Variants in UBN2 observed in about 807,000 individuals in gnomAD.
UBN2 encodes the protein ubinuclein 2, also known as ubinuclein-2.
UBN2 carries 35 observed loss-of-function variants against 120.2 expected under a neutral mutation model. The ratio of observed to expected loss-of-function variants is 0.29; its 90% CI spans 0.22 to 0.39. UBN2 has a LOEUF of 0.39. Among genes scored for constraint, UBN2 ranks in the 10% least tolerant of loss-of-function variants. The pLI is 1.00. For missense variants in UBN2, 1,693 were observed against 1,663.2 expected, an observed-to-expected ratio of 1.02 and a Z score of -0.31; for synonymous variants, 661 against 648.7, an observed-to-expected ratio of 1.02 and a Z score of -0.29.
At chr7:139,317,345 A>AT in the UBN2 span, among the ~76,000 whole-genome samples, 1 of 151,346 alleles carries the variant, frequency 6.6e-6, no homozygotes, top group East Asian at 1.9e-4. Context: ...CTAGTTTTTA[A>AT]TTTTTTTTAG....
chr7:139,320,157 A>G, the UBN2 span, among the ~76,000 whole-genome samples: 1 of 151,850 alleles, frequency 6.6e-6, no homozygotes, highest in Non-Finnish European at 1.5e-5. Context: ...CTAATTATCC[A>G]TAATTTCAAA....
At position 139,284,444 on chromosome 7, in the gene UBN2, CA is replaced by C; in HGVS notation, c.3541del (p.Ser1181AlafsTer38). 1 of 1,614,172 alleles carries C rather than the reference CA, an allele frequency of 6.2e-7. No individual in the cohort carries two copies. The highest frequency in any genetic ancestry group is 8.5e-7 in the Non-Finnish European group (1 of 1,180,032). ...GCCAGCAGAGGTAGCAACCTTAACT[CA>C]AGCGGAGCTAATAGGACTAGTCTGT... ...VPASRGSNLN[S>X]SGANRTSLSG... On this transcript the variant is annotated frameshift_variant, in exon 15 of 18. Coordinates refer to ENST00000473989, the MANE Select transcript of UBN2 (RefSeq NM_173569.4). LOFTEE classifies it high-confidence loss of function.
chr7:139,241,690 T>TAATAAG (rs142419347), intron 2 of UBN2, among the ~76,000 whole-genome samples: 2 of 152,174 alleles, frequency 1.3e-5, no homozygotes, highest in Admixed American at 1.3e-4. Flanking sequence ...ACCCTGTCTC[T>TAATAAG]AATAAGAATA....
At chr7:139,324,698 C>T in the UBN2 span, among the ~76,000 whole-genome samples, 97 of 150,164 alleles carry the variant, frequency 6.5e-4, no homozygotes, top group African/African-American at 2.1e-3. Context: ...TGGCCGGGCG[C>T]GGTGGCTCAC....
intron 6 of UBN2, among the ~76,000 whole-genome samples, chr7:139,263,183 A>G (rs998567066): frequency 6.6e-6 from 1 of 152,246 alleles, no homozygotes; most frequent in Non-Finnish European, 1.5e-5. Context: ...TACACAAGAC[A>G]TCCGAAGTAT....
intron 3 of UBN2, among the ~76,000 whole-genome samples, chr7:139,255,624 ATTAT>A (rs1324911952): frequency 6.6e-6 from 1 of 152,086 alleles, no homozygotes; most frequent in Non-Finnish European, 1.5e-5. Context: ...CCCTTGACAT[ATTAT>A]TTGTTTTTTT....
At chr7:139,234,131 C>T (rs970179860) in intron 1 of UBN2, among the ~76,000 whole-genome samples, 6 of 151,800 alleles carry the variant, frequency 4.0e-5, no homozygotes, top group Non-Finnish European at 7.4e-5. Flanking sequence ...GAAGAGAGAC[C>T]ATCAAAAAGC....
intron 6 of UBN2, among the ~76,000 whole-genome samples, chr7:139,263,432 G>A (rs6949235): frequency 0.62 from 94,394 of 151,972 alleles, 31,326 homozygotes; most frequent in African/African-American, 0.86. Context: ...AGACTTATCA[G>A]TTGGTTGGAA....
In UBN2 at chr7:139,243,092, G is replaced by A. The variant is rs1418205725; in HGVS notation, c.561+5995G>A. ...AGGCAATTTGGGGTCAGGGGGTCTA[G>A]TACTAAGAACATCTTGTTTGTTTGT... On this transcript the variant is annotated intron_variant, in intron 2 of 17. Coordinates refer to ENST00000473989, the MANE Select transcript of UBN2 (RefSeq NM_173569.4). Among the ~76,000 whole-genome samples the A allele has an allele frequency of 5.9e-5, 9 of 152,276 alleles. No homozygotes were observed. The East Asian group carries it at 1.7e-3, about 29-fold the overall frequency.
chr7:139,295,302 C>T (rs1409136201), intron 17 of UBN2, among the ~76,000 whole-genome samples: 1 of 152,132 alleles, frequency 6.6e-6, no homozygotes, highest in African/African-American at 2.4e-5. Flanking sequence ...AGTCGTGGCA[C>T]AAATGTCAGC....
At chr7:139,315,475 C>T in the UBN2 span, 1 of 152,114 alleles carries the variant, frequency 6.6e-6, no homozygotes, top group Admixed American at 6.6e-5. Context: ...AATTTAATAT[C>T]CAGATATCTA....
chr7:139,241,864 G>C (rs752148313), intron 2 of UBN2, among the ~76,000 whole-genome samples: 75 of 152,124 alleles, frequency 4.9e-4, no homozygotes, highest in Non-Finnish European at 9.6e-4. Context: ...TGGGCATGGT[G>C]GTGGGTACCT....
chr7:139,257,656 T>C (rs912490618), intron 3 of UBN2, among the ~76,000 whole-genome samples: 3 of 151,862 alleles, frequency 2.0e-5, no homozygotes, highest in African/African-American at 7.3e-5. Context: ...GACCTCATGA[T>C]CCACCTGCCT....
chr7:139,279,165 C>T (rs1397327841), intron 12 of UBN2, among the ~76,000 whole-genome samples, 153 bp from the exon 13 acceptor site: 1 of 152,280 alleles, frequency 6.6e-6, no homozygotes. Flanking sequence ...TTGCTACATA[C>T]TTCGTATAAA....
intron 2 of UBN2, among the ~76,000 whole-genome samples, chr7:139,241,493 C>T (rs1796318238): frequency 6.6e-6 from 1 of 152,122 alleles, no homozygotes; most frequent in South Asian, 2.1e-4. Context: ...ACACTTAGTT[C>T]TATGTGGTTT....
At chr7:139,266,289 T>A (rs1585007591) in intron 6 of UBN2, 44 bp from the exon 7 acceptor site, 1 of 1,233,694 alleles carries the variant, frequency 8.1e-7, no homozygotes, top group Non-Finnish European at 1.2e-6. Context: ...CAAAATAGAG[T>A]AATGGCCTAT....
At chr7:139,329,873 C>T in the UBN2 span, among the ~76,000 whole-genome samples, 1 of 152,080 alleles carries the variant, frequency 6.6e-6, no homozygotes, top group African/African-American at 2.4e-5. Flanking sequence ...AAAAGAAAAG[C>T]AGAAAAGCAT....
rs1271614629 is a variant in UBN2, at chr7:139,299,910, ACC to A, written c.*2075_*2076del. The A allele has an allele frequency of 6.6e-6, 1 of 152,152 alleles. No individual in the cohort carries two copies. Among genetic ancestry groups the A allele is most frequent in the Non-Finnish European group, 1.5e-5 (1 of 68,006 alleles). The allele number at this position is 152,152 out of a possible 1,614,324, so 9.4% of individuals were successfully genotyped here. On this transcript the variant is annotated 3_prime_UTR_variant, in exon 18 of 18. Coordinates refer to ENST00000473989, the MANE Select transcript of UBN2 (RefSeq NM_173569.4). ...AGGTAGCCTTTGTTTTACTTCTCAT[ACC>A]ACAAGAGAAGTCGAAGTGCGTATTA...
Position 139,231,519 on chromosome 7 carries a change from T to G in UBN2, c.35T>G (p.Leu12Trp), listed in dbSNP as rs1263031910. ...AEPRRVAFIS[L>W]SPVRRREAEY... ...CCGCGCAGAGTAGCGTTCATTAGCT[T>G]GTCACCGGTGCGGCGGCGCGAGGCC... The change falls in exon 1 of 18, where the codon TTG becomes TGG. Residue 12 changes from leucine to tryptophan, a missense_variant. Transcript: ENST00000473989. 5 of 1,417,214 alleles carry G rather than the reference T, an allele frequency of 3.5e-6. No individual in the cohort carries two copies. The highest frequency in any genetic ancestry group is 4.6e-6 in the Non-Finnish European group (5 of 1,078,090). 87.8% of individuals were successfully genotyped at this position (1,417,214 alleles called of 1,614,324 possible). A position where few individuals can be genotyped will look rare whatever the true frequency, so the allele number is the denominator to read the frequency against.
Sources: gnomAD v4.1 joint callset for allele counts (sites outside exome capture counted in the v4.1 genomes callset) on GRCh38, gnomAD v4.1.1 for gene constraint, MANE v1.5 for transcripts, NCBI Gene and HGNC (gene_info 2026-07-23, HGNC 2026-07-21) for gene names.